ARHGAP42: variants seen among roughly 807,000 people sequenced by gnomAD.
ARHGAP42 encodes the protein rho GTPase-activating protein 42.
A neutral mutation model predicts 125.0 loss-of-function variants in ARHGAP42; 63 were observed. The observed-to-expected ratio is 0.50, with a 90% CI of 0.41 to 0.62. The LOEUF is 0.62. ARHGAP42 is among the 20% of genes least tolerant of loss of function. ARHGAP42 has a pLI of 0.00. For missense variants in ARHGAP42, 766 were observed against 1,024.2 expected (o/e 0.75, Z 3.44); for synonymous variants, 339 against 351.0 (o/e 0.97, Z 0.38).
In ARHGAP42 at chr11:100,863,067, C is replaced by T. The variant is rs1403971189; in HGVS notation, c.384+3442C>T. 4.9e-5 allele frequency among the ~76,000 whole-genome samples: 7 copies of T among 142,578 alleles called. 1 individual carries two copies. In the South Asian group the frequency reaches 1.5e-3, roughly 31 times the overall value. The allele number at this position is 142,578 out of a possible 152,430, so 93.5% of individuals were successfully genotyped here. ...AAAAAAAAAAAACACAAAACACACA[C>T]ACACACACACACACAACAACAAAAA... On this transcript the variant is annotated intron_variant, in intron 4 of 23. Coordinates refer to ENST00000298815, the MANE Select transcript of ARHGAP42 (RefSeq NM_152432.4).
Position 100,866,844 on chromosome 11 carries a change from G to A in ARHGAP42, c.384+7219G>A, listed in dbSNP as rs541882992. Among the ~76,000 whole-genome samples the A allele has an allele frequency of 2.6e-4, 39 of 152,202 alleles. No individual in the cohort carries two copies. The South Asian group carries it at 7.9e-3, about 31-fold the overall frequency. On this transcript the variant is annotated intron_variant, in intron 4 of 23. Coordinates refer to ENST00000298815, the MANE Select transcript of ARHGAP42 (RefSeq NM_152432.4). ...AGCCAAACCATATCAGTTATGAAAT[G>A]CCTTTTTTTAATCATAAGACTTGAA...
At chr11:100,713,883 T>C (rs1178596367) in intron 1 of ARHGAP42, among the ~76,000 whole-genome samples, 4 of 152,236 alleles carry the variant, frequency 2.6e-5, no homozygotes, top group Non-Finnish European at 4.4e-5. Flanking sequence ...GTGATCCATA[T>C]GTTTGTATTT....
In ARHGAP42 at chr11:100,710,665, G is replaced by A. The variant is rs184260764; in HGVS notation, c.154+22833G>A. Among the ~76,000 whole-genome samples the A allele has an allele frequency of 1.6e-4, 24 of 147,676 alleles. No individual in the cohort carries two copies. The East Asian group carries it at 4.6e-3, about 28-fold the overall frequency. Reference sequence around the variant, plus strand: ...AGTGATTCTCCTGCCTCAGCCTCCCGAAGTAGCTGGGACCACAGGCACATG... The same window carrying A: ...AGTGATTCTCCTGCCTCAGCCTCCCAAAGTAGCTGGGACCACAGGCACATG... On this transcript the variant is annotated intron_variant, in intron 1 of 23. Coordinates refer to ENST00000298815, the MANE Select transcript of ARHGAP42 (RefSeq NM_152432.4).
At chr11:100,814,148 G>A (rs61890787) in intron 3 of ARHGAP42, among the ~76,000 whole-genome samples, 36,495 of 151,832 alleles carry the variant, frequency 0.24, 4,555 homozygotes, top group Non-Finnish European at 0.27. Flanking sequence ...AGCAGAGGTC[G>A]CACCACTGCA....
chr11:100,914,235 G>A lies in ARHGAP42; in HGVS notation c.486+682G>A, dbSNP rs542782947. Among the ~76,000 whole-genome samples, 7 of 152,120 alleles carry A rather than the reference G, an allele frequency of 4.6e-5. No individual in the cohort carries two copies. In the East Asian group the frequency reaches 5.8e-4, roughly 13 times the overall value. ...CAGGCATGAACCACTGTGCCCCACC[G>A]CTACATGTTTTAAAATCTCAATTAT... On this transcript the variant is annotated intron_variant, in intron 5 of 23. Coordinates refer to ENST00000298815, the MANE Select transcript of ARHGAP42 (RefSeq NM_152432.4).
chr11:100,932,980 A>C (rs1867627161), intron 6 of ARHGAP42, among the ~76,000 whole-genome samples, 176 bp from the exon 7 acceptor site: 1 of 152,238 alleles, frequency 6.6e-6, no homozygotes, highest in South Asian at 2.1e-4. Context: ...AAGGAAATAA[A>C]AATCCTTTTG....
chr11:100,847,178 T>A (rs1034519741), intron 3 of ARHGAP42, among the ~76,000 whole-genome samples: 1 of 152,158 alleles, frequency 6.6e-6, no homozygotes, highest in African/African-American at 2.4e-5. Context: ...GGCAAAGGCC[T>A]CGATCCCCTG....
Position 100,948,498 on chromosome 11 carries a change from G to C in ARHGAP42, c.1085G>C (p.Arg362Thr). 6.5e-7 allele frequency: 1 copy of C among 1,550,160 alleles called. No homozygotes were observed. Among genetic ancestry groups the C allele is most frequent in the Non-Finnish European group, 8.7e-7 (1 of 1,145,940 alleles). Residue 362 changes from arginine (R) to threonine (T), a missense_variant, in exon 11 of 24, where the codon AGG becomes ACG. By Grantham distance (71) the Arg-to-Thr change is moderately conservative. This residue lies in a region of ARHGAP42 where 455 missense variants were observed against 636.5 expected (regional missense o/e 0.71). Coordinates refer to ENST00000298815, the MANE Select transcript of ARHGAP42 (RefSeq NM_152432.4). ...ITLQAFSEAN[R>T]KLWLEAMDGK... is the part of the protein sequence containing the mutation. ...TTACAGGCCTTCTCAGAAGCTAATA[G>C]GAAACTCTGGCTTGAAGCCATGGAT... is the stretch of plus-strand genomic sequence containing the variant.
At position 100,770,351 on chromosome 11, in the gene ARHGAP42, A is replaced by G. The variant is rs1262294161; in HGVS notation, c.163A>G (p.Met55Val). Residue 55 changes from methionine (M) to valine (V), a missense_variant, in exon 2 of 24, where the codon ATG (methionine) becomes GTG (valine). By Grantham distance (21) the Met-to-Val change is conservative (BLOSUM62 1). Coordinates refer to ENST00000298815, the MANE Select transcript of ARHGAP42 (RefSeq NM_152432.4). ...LLIGALRNLS[M>V]AVQKFSQSLQ... ...TTAACTTTTACTTGCAGATCTGTCT[A>G]TGGCAGTGCAGAAATTTTCCCAGTC... 5.8e-6 allele frequency: 9 copies of G among 1,549,302 alleles called. No homozygotes were observed. Among genetic ancestry groups the G allele is most frequent in the South Asian group, 2.4e-5 (2 of 83,938 alleles).
intron 4 of ARHGAP42, among the ~76,000 whole-genome samples, chr11:100,903,709 A>AAAATATATATATAT (rs1332890022): frequency 9.4e-5 from 6 of 63,508 alleles, no homozygotes; most frequent in African/African-American, 3.4e-4. Flanking sequence ...TGTCCCTCAA[A>AAAATATATATATAT]ATATATATAT....
At chr11:100,709,738 A>C (rs1861530943) in intron 1 of ARHGAP42, among the ~76,000 whole-genome samples, 1 of 152,250 alleles carries the variant, frequency 6.6e-6, no homozygotes. Flanking sequence ...ATGTGTGAGT[A>C]ATTTAAAGCA....
chr11:100,857,748 G>T (rs867669303), intron 3 of ARHGAP42, among the ~76,000 whole-genome samples: 1 of 151,876 alleles, frequency 6.6e-6, no homozygotes, highest in East Asian at 1.9e-4. Context: ...CTCCCTCTAC[G>T]CAATTTGTCA....
chr11:100,932,785 G>A (rs1391256018), intron 6 of ARHGAP42, among the ~76,000 whole-genome samples: 2 of 152,062 alleles, frequency 1.3e-5, no homozygotes, highest in African/African-American at 2.4e-5. Flanking sequence ...TCTTCCTTAC[G>A]TTGCACATCT....
At chr11:100,756,195 G>A (rs1162610470) in intron 1 of ARHGAP42, among the ~76,000 whole-genome samples, 1 of 136,952 alleles carries the variant, frequency 7.3e-6, no homozygotes, top group Non-Finnish European at 1.5e-5. Flanking sequence ...AGACTAGCCT[G>A]GTCAATACAG....
At chr11:100,893,119 T>G (rs752498237) in intron 4 of ARHGAP42, among the ~76,000 whole-genome samples, 3 of 151,832 alleles carry the variant, frequency 2.0e-5, no homozygotes, top group Non-Finnish European at 4.4e-5. Context: ...GATCATTTTA[T>G]GAGAAATGAC....
intron 1 of ARHGAP42, among the ~76,000 whole-genome samples, chr11:100,749,696 C>T (rs1737139578): frequency 6.6e-6 from 1 of 152,158 alleles, no homozygotes; most frequent in Admixed American, 6.5e-5. Flanking sequence ...CAGGATCTGC[C>T]TTAAGCCATA....
At chr11:100,899,726 T>TGC (rs377616084) in intron 4 of ARHGAP42, among the ~76,000 whole-genome samples, 1 of 88,834 alleles carries the variant, frequency 1.1e-5, no homozygotes, top group East Asian at 2.7e-4. Flanking sequence ...TGTTTTGTTT[T>TGC]TTTTTTTGTT....
At chr11:100,926,723 C>T (rs546543494) in intron 6 of ARHGAP42, among the ~76,000 whole-genome samples, 19 of 152,296 alleles carry the variant, frequency 1.2e-4, no homozygotes, top group African/African-American at 4.6e-4. Context: ...ATGCACAAAG[C>T]TCTTGTACCT....
intron 1 of ARHGAP42, among the ~76,000 whole-genome samples, chr11:100,727,215 T>C (rs1040340919): frequency 1.3e-5 from 2 of 152,232 alleles, no homozygotes; most frequent in African/African-American, 4.8e-5. Context: ...ACTTGCACTT[T>C]GATATGTGCA....
Sources: allele counts gnomAD v4.1 joint callset (sites outside exome capture counted in the v4.1 genomes callset), GRCh38; gene constraint gnomAD v4.1.1; regional missense constraint gnomAD v4.1.1; transcripts MANE v1.5; gene names NCBI Gene and HGNC (gene_info 2026-07-23, HGNC 2026-07-21).